PPP2R5C: variants seen among roughly 807,000 people sequenced by gnomAD.
PPP2R5C encodes the protein protein phosphatase 2 regulatory subunit B'gamma, also known as serine/threonine-protein phosphatase 2A 56 kDa regulatory subunit gamma isoform.
In PPP2R5C, 7 loss-of-function variants were observed where a neutral mutation model predicts 68.9. The observed-to-expected ratio is 0.10, with a 90% CI of 0.06 to 0.19. The LOEUF is 0.19. PPP2R5C is among the 10% of genes least tolerant of loss of function. The probability of loss-of-function intolerance (pLI) is 1.00; values close to 1 mark genes in which losing one functional copy is unlikely to be tolerated. For missense variants in PPP2R5C, 348 were observed against 641.3 expected, an observed-to-expected ratio of 0.54 and a Z score of 4.94; for synonymous variants, 210 against 222.2, an observed-to-expected ratio of 0.95 and a Z score of 0.49.
At chr14:101,769,870 T>A (rs1238960522) in intron 2 of PPP2R5C, among the ~76,000 whole-genome samples, 1 of 152,234 alleles carries the variant, frequency 6.6e-6, no homozygotes, top group Non-Finnish European at 1.5e-5. Flanking sequence ...TTCTGAGAGC[T>A]GTGTTGTTAG....
intron 3 of PPP2R5C, among the ~76,000 whole-genome samples, chr14:101,791,263 G>T (rs923312336): frequency 3.3e-5 from 5 of 152,116 alleles, no homozygotes; most frequent in Non-Finnish European, 5.9e-5. Flanking sequence ...GTGTCTCACT[G>T]TGGTTTCCAT....
At chr14:101,847,506 T>C (rs2041902049) in intron 1 of PPP2R5C, among the ~76,000 whole-genome samples, 1 of 152,178 alleles carries the variant, frequency 6.6e-6, no homozygotes. Flanking sequence ...GCAGAATTCA[T>C]CACCTCCCAT....
In PPP2R5C at chr14:101,825,989, G is replaced by T. The variant is rs1470342227; in HGVS notation, c.94+15953G>T. On this transcript the variant is annotated intron_variant, in intron 1 of 13. Coordinates refer to ENST00000334743, the Ensembl canonical transcript of PPP2R5C. This position sits in a 1 kb window ranked among gnomAD's most constrained non-coding sequence, Gnocchi z 4.0. ...GTGAGAATAGGAGGTGGCCCAGAGG[G>T]CATGGTCAGATGTGGCTATCACAGC... 6.6e-6 allele frequency among the ~76,000 whole-genome samples: 1 copy of T among 152,194 alleles called. No homozygotes were observed. Among genetic ancestry groups the T allele is most frequent in the Non-Finnish European group, 1.5e-5 (1 of 68,036 alleles).
chr14:101,914,044 C>T (rs1034296198), intron 12 of PPP2R5C: 8 of 408,654 alleles, frequency 2.0e-5, no homozygotes, highest in Middle Eastern at 4.1e-4. Flanking sequence ...ACATACTGTA[C>T]GTAACCAATG....
upstream of PPP2R5C, among the ~76,000 whole-genome samples, chr14:101,808,735 A>G (rs1223089862): frequency 1.3e-5 from 2 of 152,250 alleles, no homozygotes; most frequent in East Asian, 3.8e-4. Flanking sequence ...GTGAGAAACT[A>G]TTAAAAATGA....
At chr14:101,813,821 T>G (rs2039506448) in intron 1 of PPP2R5C, among the ~76,000 whole-genome samples, 1 of 152,216 alleles carries the variant, frequency 6.6e-6, no homozygotes, top group Non-Finnish European at 1.5e-5. Flanking sequence ...GAACAAACCA[T>G]TCTTTTGATG....
chr14:101,884,824 C>G (rs1288708472), intron 5 of PPP2R5C, among the ~76,000 whole-genome samples: 2 of 152,258 alleles, frequency 1.3e-5, no homozygotes, highest in African/African-American at 4.8e-5. Context: ...TGGTCTCCCG[C>G]AAGGGCAGCC....
At chr14:101,898,931 T>C (rs2045518416) in intron 8 of PPP2R5C, among the ~76,000 whole-genome samples, 1 of 152,180 alleles carries the variant, frequency 6.6e-6, no homozygotes, top group African/African-American at 2.4e-5. Flanking sequence ...GTACATCTCT[T>C]GGTAGCACTA....
At chr14:101,837,138 G>GTGTTT (rs760405956) in intron 1 of PPP2R5C, among the ~76,000 whole-genome samples, 4 of 151,908 alleles carry the variant, frequency 2.6e-5, no homozygotes, top group African/African-American at 4.8e-5. Context: ...TTTTTGTTTT[G>GTGTTT]TGTTTTGTTT....
chr14:101,904,324 ATT>A (rs2045897605), intron 9 of PPP2R5C, among the ~76,000 whole-genome samples: 1 of 151,834 alleles, frequency 6.6e-6, no homozygotes, highest in Non-Finnish European at 1.5e-5. Context: ...TGATTTTTGT[ATT>A]TTTAGTAGAG....
intron 2 of PPP2R5C, among the ~76,000 whole-genome samples, chr14:101,866,325 ATAAAT>A (rs2043064108): frequency 6.6e-6 from 1 of 152,268 alleles, no homozygotes; most frequent in South Asian, 2.1e-4. Flanking sequence ...TAACATATAA[ATAAAT>A]TCATGAAAAT....
chr14:101,807,202 A>T (rs1024491339), upstream of PPP2R5C, among the ~76,000 whole-genome samples: 6 of 152,226 alleles, frequency 3.9e-5, no homozygotes, highest in African/African-American at 1.4e-4. Flanking sequence ...TTCTGCATAT[A>T]GTTAATCAGT....
intron 1 of PPP2R5C, among the ~76,000 whole-genome samples, chr14:101,840,956 A>G (rs1361281103): frequency 1.3e-5 from 2 of 152,190 alleles, no homozygotes; most frequent in African/African-American, 4.8e-5. Context: ...CCATCAGGAG[A>G]GTAACAAGAT....
intron 2 of PPP2R5C, among the ~76,000 whole-genome samples, chr14:101,865,270 A>G (rs1678018): frequency 0.059 from 8,988 of 152,276 alleles, 364 homozygotes; most frequent in African/African-American, 0.1. Context: ...TCTCACACTT[A>G]GTCCACAGAG....
At chr14:101,894,375 A>G (rs1263249873) in intron 7 of PPP2R5C, 132 bp from the exon 10 acceptor site, 3 of 684,594 alleles carry the variant, frequency 4.4e-6, no homozygotes, top group Non-Finnish European at 7.5e-6. Flanking sequence ...ATGCCCGTTA[A>G]TCACACAAGG....
intron 3 of PPP2R5C, among the ~76,000 whole-genome samples, chr14:101,788,521 T>C (rs1187573390): frequency 6.6e-6 from 1 of 152,214 alleles, no homozygotes; most frequent in Non-Finnish European, 1.5e-5. Context: ...TCTACATCTG[T>C]TTTCTATTCT....
exon 14 of PPP2R5C, chr14:101,925,306 A>G (rs776562796): frequency 4.5e-5 from 73 of 1,607,460 alleles, no homozygotes; most frequent in Non-Finnish European, 5.9e-5. Flanking sequence ...CGGGCCCGCC[A>G]GTTCTTTTCC....
At chr14:101,908,036 TC>T (rs778458640) in intron 10 of PPP2R5C, among the ~76,000 whole-genome samples, 1 of 152,200 alleles carries the variant, frequency 6.6e-6, no homozygotes, top group Non-Finnish European at 1.5e-5. Context: ...CCTGCCTTCC[TC>T]CTGAGCAGCT....
At chr14:101,831,467 A>G (rs1188868961) in intron 1 of PPP2R5C, among the ~76,000 whole-genome samples, 1 of 152,194 alleles carries the variant, frequency 6.6e-6, no homozygotes, top group African/African-American at 2.4e-5. Context: ...TACGCTACTA[A>G]TGGGCCAGTG....
Sources: allele counts gnomAD v4.1 joint callset (sites outside exome capture counted in the v4.1 genomes callset), GRCh38; gene constraint gnomAD v4.1.1; non-coding constraint Gnocchi (gnomAD v3.1); transcripts MANE v1.5; gene names NCBI Gene and HGNC (gene_info 2026-07-23, HGNC 2026-07-21).